The following LMO2 variants were observed in gnomAD, a reference collection of about 807,000 sequenced individuals.
LMO2 encodes the protein rhombotin-2.
Under a neutral mutation model 23.2 loss-of-function variants are expected in LMO2, and 20 were observed. The observed-to-expected ratio is 0.86, with a 90% CI of 0.61 to 1.25. The LOEUF (loss-of-function observed/expected upper bound fraction) is 1.25. Ranked by LOEUF, LMO2 falls within the 50% of genes most tolerant of loss-of-function variation. LMO2 has a pLI of 0.00. For synonymous variants in LMO2, 123 were observed against 130.2 expected, an observed-to-expected ratio of 0.94 and a Z score of 0.38; for missense variants, 270 against 315.3, an observed-to-expected ratio of 0.86 and a Z score of 1.09.
chr11:33,862,620 C>T (rs933207041), intron 5 of LMO2, among the ~76,000 whole-genome samples: 6 of 135,406 alleles, frequency 4.4e-5, no homozygotes, highest in East Asian at 2.2e-4. Flanking sequence ...GTGAAGAACT[C>T]AAACACATTA....
chr11:33,883,014 A>G (rs1281709500), intron 1 of LMO2, among the ~76,000 whole-genome samples: 1 of 152,240 alleles, frequency 6.6e-6, no homozygotes, highest in Non-Finnish European at 1.5e-5. Context: ...TACCTGATCT[A>G]AAAAATAGCC....
intron 2 of LMO2, among the ~76,000 whole-genome samples, chr11:33,877,911 G>GT (rs1554957698): frequency 6.6e-6 from 1 of 151,536 alleles, no homozygotes; most frequent in Non-Finnish European, 1.5e-5. Flanking sequence ...TTTTCTGCCA[G>GT]TTTTTGCTGC....
intron 1 of LMO2, among the ~76,000 whole-genome samples, chr11:33,889,789 C>A (rs1292884433): frequency 1.1e-4 from 16 of 152,186 alleles, no homozygotes. Context: ...ATCCAGCAAT[C>A]CCACTACTGG....
chr11:33,871,027 T>C, intron 2 of LMO2: 1 of 978,832 alleles, frequency 1.0e-6, no homozygotes, highest in Non-Finnish European at 1.2e-6. Flanking sequence ...TTAAGGCTTG[T>C]AAAGAGGGAA....
At chr11:33,891,353 A>G (rs1192493501) in intron 1 of LMO2, among the ~76,000 whole-genome samples, 1 of 96,388 alleles carries the variant, frequency 1.0e-5, no homozygotes, top group African/African-American at 3.7e-5. Flanking sequence ...GCAAACACAC[A>G]CACACACACA....
At chr11:33,872,910 C>T (rs563734063) in intron 2 of LMO2, among the ~76,000 whole-genome samples, 18 of 152,046 alleles carry the variant, frequency 1.2e-4, no homozygotes, top group African/African-American at 4.1e-4. Flanking sequence ...TACAGGCGCT[C>T]GCCACCACGC....
chr11:33,885,571 C>T (rs977220446), intron 1 of LMO2, among the ~76,000 whole-genome samples: 2 of 152,188 alleles, frequency 1.3e-5, no homozygotes, highest in Non-Finnish European at 2.9e-5. Flanking sequence ...TAGCCTTAGG[C>T]AGTAGAATTG....
rs1288435549 is a variant in LMO2, at chr11:33,869,603, G to A, written c.8-17C>T. The A allele has an allele frequency of 1.6e-5, 20 of 1,281,274 alleles. No homozygotes were observed. The highest frequency in any genetic ancestry group is 4.2e-5 in the Admixed American group (1 of 23,746). 79.4% of individuals were successfully genotyped at this position (1,281,274 alleles called of 1,614,324 possible). ...CCGCGCTCCCTTCAAACGCCAAAGA[G>A]AGAGAGCGAATCACCGGGCTGCGGG... On this transcript the variant is annotated splice_polypyrimidine_tract_variant and intron_variant, in intron 3 of 5. Transcript: ENST00000257818.
intron 1 of LMO2, among the ~76,000 whole-genome samples, chr11:33,883,845 G>T (rs1000757554): frequency 6.6e-6 from 1 of 152,184 alleles, no homozygotes; most frequent in Non-Finnish European, 1.5e-5. Flanking sequence ...GACTGAGTAG[G>T]AATTAACAGC....
chr11:33,869,481 G>GCGCCGC lies in LMO2; in HGVS notation c.107_112dup (p.Gly36_Gly37dup), dbSNP rs780680772. ...GGCTCGGACCCCCTCGGGTGCTCGG[G>GCGCCGC]CGCCGCCGCCGCCGCCGCCGTCGCC... On this transcript the variant is annotated inframe_insertion, in exon 4 of 6. Coordinates refer to ENST00000257818, the MANE Select transcript of LMO2 (RefSeq NM_005574.4). 2.1e-4 allele frequency: 259 copies of GCGCCGC among 1,206,482 alleles called. 1 individual carries two copies. The highest frequency in any genetic ancestry group is 3.4e-4 in the Middle Eastern group (1 of 2,962). 74.7% of individuals were successfully genotyped at this position (1,206,482 alleles called of 1,614,324 possible). A position where few individuals can be genotyped will look rare whatever the true frequency, so the allele number is the denominator to read the frequency against.
chr11:33,869,074 G>A lies in LMO2; in HGVS notation c.248+272C>T, dbSNP rs143774003. On this transcript the variant is annotated intron_variant, in intron 4 of 5. Coordinates refer to ENST00000257818, the MANE Select transcript of LMO2 (RefSeq NM_005574.4). ...TGCTCCCGTGCAAACTTTCTGGCCC[G>A]TGGTGGCTTTGGGGAGCGTCCCAGT... 3.9e-4 allele frequency among the ~76,000 whole-genome samples: 59 copies of A among 152,340 alleles called. 1 individual carries two copies. The East Asian group carries it at 9.9e-3, about 25-fold the overall frequency.
chr11:33,864,892 G>A lies in LMO2; in HGVS notation c.249-75C>T. On this transcript the variant is annotated intron_variant, in intron 4 of 5. Coordinates refer to ENST00000257818, the MANE Select transcript of LMO2 (RefSeq NM_005574.4). This position sits in a 1 kb window ranked among gnomAD's most constrained non-coding sequence, Gnocchi z 4.8. ...CACCGAGGGTCCGAGATCGTTTTGG[G>A]CCAGACAGGGCATCTCACCTGACTG... The A allele has an allele frequency of 7.5e-7, 1 of 1,326,320 alleles. No homozygotes were observed. The highest frequency in any genetic ancestry group is 1.1e-6 in the Non-Finnish European group (1 of 930,472). The allele number at this position is 1,326,320 out of a possible 1,614,324, so 82.2% of individuals were successfully genotyped here.
Position 33,881,718 on chromosome 11 carries a change from G to A in LMO2, c.-272+106C>T, listed in dbSNP as rs1179829193. 1.1e-4 allele frequency: 29 copies of A among 272,896 alleles called. No individual in the cohort carries two copies. In the Admixed American group the frequency reaches 1.5e-3, roughly 14 times the overall value. The allele number at this position is 272,896 out of a possible 1,614,324, so 16.9% of individuals were successfully genotyped here. A position where few individuals can be genotyped will look rare whatever the true frequency, so the allele number is the denominator to read the frequency against. On this transcript the variant is annotated intron_variant, in intron 2 of 5. Transcript: ENST00000257818. Reference sequence around the variant, plus strand: ...AAAGACCTCAAGCTCATTCTGCCCAGGATTAAATCCAAGAGCCTTCTTAGC... The same window carrying A: ...AAAGACCTCAAGCTCATTCTGCCCAAGATTAAATCCAAGAGCCTTCTTAGC...
rs1857564262 is a variant in LMO2, at chr11:33,891,883, A to G, written c.-424T>C. On this transcript the variant is annotated 5_prime_UTR_variant, in exon 1 of 6. Coordinates refer to ENST00000257818, the MANE Select transcript of LMO2 (RefSeq NM_005574.4). ...CTTCTGGGCTAATTGCCTGCTTTGC[A>G]CCTGTTCCTTCTCGGGAGGCCCTGG... 1 of 151,462 alleles carries G rather than the reference A, an allele frequency of 6.6e-6. No individual in the cohort carries two copies. Among genetic ancestry groups the G allele is most frequent in the Non-Finnish European group, 1.5e-5 (1 of 67,848 alleles). The allele number at this position is 151,462 out of a possible 1,614,324, so 9.4% of individuals were successfully genotyped here.
chr11:33,887,962 G>A (rs1278883944), intron 1 of LMO2, among the ~76,000 whole-genome samples: 4 of 152,112 alleles, frequency 2.6e-5, no homozygotes, highest in Non-Finnish European at 5.9e-5. Context: ...GTTGGGTTGG[G>A]GTGGGGAGAG....
rs1175163777 is a variant in LMO2, at chr11:33,864,948, G to T, written c.249-131C>A. 5 of 802,338 alleles carry T rather than the reference G, an allele frequency of 6.2e-6. No homozygotes were observed. The East Asian group carries it at 1.3e-4, about 21-fold the overall frequency. 49.7% of individuals were successfully genotyped at this position (802,338 alleles called of 1,614,324 possible). A position where few individuals can be genotyped will look rare whatever the true frequency, so the allele number is the denominator to read the frequency against. ...CAGTGACCTAAGGGAGAAGGGACAG[G>T]ACAACACATCCCTTGGCCAGACTGC... On this transcript the variant is annotated intron_variant, in intron 4 of 5. Transcript: ENST00000257818. This position sits in a 1 kb window ranked among gnomAD's most constrained non-coding sequence, Gnocchi z 4.8.
intron 1 of LMO2, 56 bp downstream of exon 1, chr11:33,891,739 G>C (rs1857560103): frequency 6.6e-6 from 1 of 152,184 alleles, no homozygotes; most frequent in South Asian, 2.1e-4. Flanking sequence ...CCTTGAAGAT[G>C]AAAAAAGTTC....
chr11:33,887,451 T>C (rs12282437), intron 1 of LMO2, among the ~76,000 whole-genome samples: 12,215 of 152,144 alleles, frequency 0.08, 1,633 homozygotes, highest in African/African-American at 0.28. Context: ...ATATTCAATA[T>C]GTTTGGGATA....
At chr11:33,868,296 C>T (rs1056298256) in intron 4 of LMO2, among the ~76,000 whole-genome samples, 1 of 152,260 alleles carries the variant, frequency 6.6e-6, no homozygotes, top group African/African-American at 2.4e-5. Context: ...AAGCACAATT[C>T]TTTTAAAGCA....
Sources: allele counts gnomAD v4.1 joint callset (sites outside exome capture counted in the v4.1 genomes callset), GRCh38; gene constraint gnomAD v4.1.1; non-coding constraint Gnocchi (gnomAD v3.1); transcripts MANE v1.5; gene names NCBI Gene and HGNC (gene_info 2026-07-23, HGNC 2026-07-21).